Variants in CWC22 observed in about 807,000 individuals in gnomAD.
CWC22 encodes the protein pre-mRNA-splicing factor CWC22 homolog.
CWC22 carries 53 observed loss-of-function variants against 117.2 expected under a neutral mutation model. The ratio of observed to expected loss-of-function variants is 0.45; its 90% CI spans 0.36 to 0.57. CWC22 has a LOEUF of 0.57. CWC22 is among the 20% of genes least tolerant of loss of function. The probability of loss-of-function intolerance (pLI) is 0.00; values close to 1 mark genes in which losing one functional copy is unlikely to be tolerated. For synonymous variants in CWC22, 360 were observed against 355.6 expected (o/e 1.01, Z -0.14); for missense variants, 980 against 1,068.8 (o/e 0.92, Z 1.16).
chr2:180,005,015 T>C (rs988493167), intron 1 of CWC22, among the ~76,000 whole-genome samples: 1 of 148,300 alleles, frequency 6.7e-6, no homozygotes, highest in Non-Finnish European at 1.5e-5. Context: ...ACTACTCGAA[T>C]GCTTTCGGAA....
chr2:179,996,784 TAG>T (rs1378133134), intron 1 of CWC22, among the ~76,000 whole-genome samples: 4 of 150,786 alleles, frequency 2.7e-5, no homozygotes, highest in African/African-American at 9.8e-5. Flanking sequence ...AAAAAGAAAC[TAG>T]AGAGACTTGA....
chr2:179,982,122 G>A (rs1687301762), intron 4 of CWC22, 125 bp from the exon 5 acceptor site: 2 of 625,410 alleles, frequency 3.2e-6, no homozygotes, highest in African/African-American at 3.7e-5. Flanking sequence ...AAGTGGTTTA[G>A]AATGGTGACA....
intron 1 of CWC22, among the ~76,000 whole-genome samples, chr2:180,006,531 G>A (rs181808872): frequency 2.0e-5 from 3 of 152,244 alleles, no homozygotes; most frequent in East Asian, 3.9e-4. Context: ...TATTTACAGG[G>A]CAAATAAATG....
intron 19 of CWC22, among the ~76,000 whole-genome samples, chr2:179,949,374 G>A (rs1359993221): frequency 6.6e-6 from 1 of 152,140 alleles, no homozygotes; most frequent in African/African-American, 2.4e-5. Context: ...TAAAATACTT[G>A]AACAGCCACT....
At chr2:179,973,919 GAACT>G (rs1439207787) in intron 6 of CWC22, 117 bp from the exon 7 acceptor site, 19 of 483,772 alleles carry the variant, frequency 3.9e-5, no homozygotes, top group Non-Finnish European at 5.2e-5. Flanking sequence ...ATCTAAATCA[GAACT>G]AACTGGAAAG....
At chr2:179,987,335 T>A (rs1253043635) in intron 3 of CWC22, among the ~76,000 whole-genome samples, 2 of 152,180 alleles carry the variant, frequency 1.3e-5, no homozygotes, top group Non-Finnish European at 2.9e-5. Flanking sequence ...GATCTGTTAT[T>A]TGAATCTTAA....
intron 16 of CWC22, 65 bp from the exon 17 acceptor site, chr2:179,952,663 AT>A: frequency 1.1e-6 from 1 of 879,984 alleles, no homozygotes; most frequent in Non-Finnish European, 1.6e-6. Context: ...ATAGTGACCA[AT>A]ATTTGTAGGT....
intron 1 of CWC22, among the ~76,000 whole-genome samples, chr2:179,994,960 T>TTCA (rs1687663863): frequency 6.6e-6 from 1 of 151,922 alleles, no homozygotes; most frequent in African/African-American, 2.4e-5. Flanking sequence ...ACTGAAAAAT[T>TTCA]ACAAAAAATT....
intron 16 of CWC22, 150 bp downstream of exon 16, chr2:179,954,055 A>G (rs1384425208): frequency 1.2e-5 from 6 of 497,006 alleles, no homozygotes; most frequent in African/African-American, 9.8e-5. Context: ...CTGATTCCTT[A>G]TAACATGATG....
intron 1 of CWC22, among the ~76,000 whole-genome samples, chr2:179,998,300 T>A (rs1322140430): frequency 6.6e-6 from 1 of 152,138 alleles, no homozygotes; most frequent in African/African-American, 2.4e-5. Context: ...TCTTAATAAT[T>A]CATAGGTAAG....
chr2:179,996,923 T>A (rs1035383414), intron 1 of CWC22, among the ~76,000 whole-genome samples: 2 of 150,634 alleles, frequency 1.3e-5, no homozygotes, highest in Admixed American at 1.3e-4. Flanking sequence ...AAACAACAAC[T>A]AAGAGAAAGA....
At chr2:179,956,142 T>A (rs1057080673) in intron 14 of CWC22, among the ~76,000 whole-genome samples, 3 of 151,882 alleles carry the variant, frequency 2.0e-5, no homozygotes, top group South Asian at 2.1e-4. Context: ...GTAAATATTT[T>A]AAAAAATTAT....
chr2:179,999,013 CCTTTCAA>C (rs970957727), intron 1 of CWC22, among the ~76,000 whole-genome samples: 4 of 152,044 alleles, frequency 2.6e-5, no homozygotes, highest in Non-Finnish European at 5.9e-5. Flanking sequence ...TCATCTTTCC[CCTTTCAA>C]CTTTCATCAG....
chr2:179,971,381 T>C (rs1049333213), intron 8 of CWC22, among the ~76,000 whole-genome samples: 2 of 152,132 alleles, frequency 1.3e-5, no homozygotes, highest in Non-Finnish European at 1.5e-5. Flanking sequence ...GAAAGTGTCA[T>C]AGATAAAATA....
chr2:179,961,112 T>C (rs945703639), intron 13 of CWC22, among the ~76,000 whole-genome samples: 1 of 151,922 alleles, frequency 6.6e-6, no homozygotes, highest in African/African-American at 2.4e-5. Flanking sequence ...ATAAAAATAG[T>C]AAATATAAAA....
At chr2:179,972,951 G>A (rs1462462642) in intron 8 of CWC22, among the ~76,000 whole-genome samples, 6 of 151,956 alleles carry the variant, frequency 3.9e-5, no homozygotes, top group Admixed American at 3.9e-4. Flanking sequence ...AGAGCTTGCA[G>A]TGAGCCAAGA....
At chr2:180,003,664 T>C (rs1045006149) in intron 1 of CWC22, among the ~76,000 whole-genome samples, 1 of 152,102 alleles carries the variant, frequency 6.6e-6, no homozygotes, top group Non-Finnish European at 1.5e-5. Context: ...GACAAACTAT[T>C]TCAGGAAGGA....
chr2:179,988,930 T>G (rs1687491358), intron 2 of CWC22, among the ~76,000 whole-genome samples: 1 of 151,710 alleles, frequency 6.6e-6, no homozygotes, highest in East Asian at 1.9e-4. Flanking sequence ...TTTTATTTTT[T>G]ATTTCAATAG....
At chr2:179,996,312 CG>C (rs1431412544) in intron 1 of CWC22, among the ~76,000 whole-genome samples, 2 of 151,762 alleles carry the variant, frequency 1.3e-5, no homozygotes, top group African/African-American at 4.8e-5. Context: ...ACATATGGAA[CG>C]ATGCAAAGAA....
Sources: gnomAD v4.1 joint callset for allele counts (sites outside exome capture counted in the v4.1 genomes callset) on GRCh38, gnomAD v4.1.1 for gene constraint, MANE v1.5 for transcripts, NCBI Gene and HGNC (gene_info 2026-07-23, HGNC 2026-07-21) for gene names.